Variants in PRKACB observed in about 807,000 individuals in gnomAD.
PRKACB encodes the protein protein kinase cAMP-activated catalytic subunit beta, also known as cAMP-dependent protein kinase catalytic subunit beta.
Under a neutral mutation model 51.4 loss-of-function variants are expected in PRKACB, and 16 were observed. That is an observed-to-expected ratio of 0.31 (90% CI 0.21 to 0.47). The LOEUF (loss-of-function observed/expected upper bound fraction) is 0.47. PRKACB is among the 20% of genes least tolerant of loss of function. The pLI is 1.00. For synonymous variants in PRKACB, 147 were observed against 154.4 expected (o/e 0.95, Z 0.35); for missense variants, 309 against 464.5 (o/e 0.67, Z 3.08).
chr1:84,139,987 G>C (rs1653241026), upstream of PRKACB, among the ~76,000 whole-genome samples: 1 of 152,138 alleles, frequency 6.6e-6, no homozygotes, highest in South Asian at 2.1e-4. Flanking sequence ...TTGAACCCAG[G>C]AGGCGGAGGT....
intron 1 of PRKACB, among the ~76,000 whole-genome samples, chr1:84,130,990 A>G (rs974739681): frequency 6.6e-6 from 1 of 152,226 alleles, no homozygotes; most frequent in African/African-American, 2.4e-5. Flanking sequence ...GGAAACAACT[A>G]ATAATATGAA....
chr1:84,164,861 G>C, intron 1 of PRKACB: 1 of 1,378,946 alleles, frequency 7.3e-7, no homozygotes, highest in Non-Finnish European at 9.4e-7. Flanking sequence ...TAAAACAAAA[G>C]AAAGCTCTTT....
At chr1:84,150,993 A>T (rs1424544216) in intron 1 of PRKACB, among the ~76,000 whole-genome samples, 1 of 152,202 alleles carries the variant, frequency 6.6e-6, no homozygotes, top group Non-Finnish European at 1.5e-5. Flanking sequence ...AATGTACAAC[A>T]TGATGGTTCA....
intron 1 of PRKACB, among the ~76,000 whole-genome samples, chr1:84,121,617 C>T (rs1448448314): frequency 6.6e-6 from 1 of 152,060 alleles, no homozygotes; most frequent in African/African-American, 2.4e-5. Context: ...GCAATCTCAA[C>T]CAATTGCTAT....
chr1:84,178,412 T>C (rs1343362441), intron 1 of PRKACB, among the ~76,000 whole-genome samples: 1 of 152,030 alleles, frequency 6.6e-6, no homozygotes, highest in East Asian at 1.9e-4. Context: ...TGGTTCATCA[T>C]TTAATTTACA....
chr1:84,175,017 A>G, intron 1 of PRKACB: 1 of 1,470,658 alleles, frequency 6.8e-7, no homozygotes, highest in Admixed American at 2.6e-5. Flanking sequence ...TTTCTAATTT[A>G]TTTTTTGGAC....
intron 1 of PRKACB, among the ~76,000 whole-genome samples, chr1:84,153,819 T>C (rs1655124234): frequency 6.6e-6 from 1 of 152,194 alleles, no homozygotes; most frequent in South Asian, 2.1e-4. Flanking sequence ...TTGTGAATAA[T>C]GCTGTAATGA....
Position 84,231,776 on chromosome 1 carries a change from A to G in PRKACB, c.1072-3404A>G, listed in dbSNP as rs529432278. Among the ~76,000 whole-genome samples, 14 of 151,984 alleles carry G rather than the reference A, an allele frequency of 9.2e-5. No individual in the cohort carries two copies. The South Asian group carries it at 2.9e-3, about 32-fold the overall frequency. On this transcript the variant is annotated intron_variant, in intron 9 of 9. Transcript: ENST00000370685. ...TGGGATTGGTGGTGATATCCCCTTT[A>G]TCATTTTTTATTGCGTCTATTTGAT...
At chr1:84,155,213 A>G (rs545380730) in intron 1 of PRKACB, among the ~76,000 whole-genome samples, 3 of 152,318 alleles carry the variant, frequency 2.0e-5, no homozygotes, top group Admixed American at 6.5e-5. Flanking sequence ...TGCATAAATC[A>G]ATAGTGTTTC....
intron 1 of PRKACB, among the ~76,000 whole-genome samples, chr1:84,165,636 T>A (rs928691873): frequency 2.0e-5 from 3 of 151,814 alleles, no homozygotes; most frequent in African/African-American, 7.2e-5. Flanking sequence ...CTAGTCTTTT[T>A]TGTTATAATG....
chr1:84,159,243 T>G (rs1041741899), intron 1 of PRKACB, among the ~76,000 whole-genome samples: 6 of 152,166 alleles, frequency 3.9e-5, no homozygotes, highest in African/African-American at 1.4e-4. Flanking sequence ...ATTGTTATTT[T>G]AACAATTTTG....
chr1:84,115,533 G>T (rs1007952015), intron 1 of PRKACB, among the ~76,000 whole-genome samples: 2 of 151,462 alleles, frequency 1.3e-5, no homozygotes, highest in Non-Finnish European at 2.9e-5. Context: ...GTTTAATTAA[G>T]TTTCATTTGT....
chr1:84,114,343 A>G (rs1452283480), intron 1 of PRKACB, among the ~76,000 whole-genome samples: 1 of 152,228 alleles, frequency 6.6e-6, no homozygotes, highest in Non-Finnish European at 1.5e-5. Flanking sequence ...ATGTAAAAGT[A>G]TAAAAAAGAC....
rs1647982647 is a variant in PRKACB at position 84,086,306 on chromosome 1, C to T, written c.46+7935C>T. Reference sequence around the variant, plus strand: ...GAACTTGGCCCTTCCTGCTGCCTCCCTCCTGTCTGGCCCCTGGGGCCCAGG... The same window carrying T: ...GAACTTGGCCCTTCCTGCTGCCTCCTTCCTGTCTGGCCCCTGGGGCCCAGG... On this transcript the variant is annotated intron_variant, in intron 1 of 8. Transcript: ENST00000370688. 4 of 961,600 alleles carry T rather than the reference C, an allele frequency of 4.2e-6. No homozygotes were observed. In the African/African-American group the frequency reaches 4.8e-5, roughly 12 times the overall value. The allele number at this position is 961,600 out of a possible 1,614,324, so 59.6% of individuals were successfully genotyped here. A position where few individuals can be genotyped will look rare whatever the true frequency, so the allele number is the denominator to read the frequency against.
rs367705970 is a variant in PRKACB, at chr1:84,136,026, G to A, written c.47-43151G>A. Among the ~76,000 whole-genome samples the A allele has an allele frequency of 2.8e-4, 43 of 151,910 alleles. 2 individuals are homozygous for A. In the South Asian group the frequency reaches 7.5e-3, roughly 26 times the overall value. ...GCCAGGATAAGGAAGAATAAAAGAA[G>A]ATAGAAATTACCAATATCAGAAATG... On this transcript the variant is annotated intron_variant, in intron 1 of 8. Transcript: ENST00000370688.
chr1:84,196,288 C>T (rs1668224147), intron 5 of PRKACB, among the ~76,000 whole-genome samples: 2 of 152,108 alleles, frequency 1.3e-5, no homozygotes, highest in Admixed American at 6.6e-5. Context: ...GGCACATTTG[C>T]TTTCCAATTA....
chr1:84,125,931 C>A (rs1050621245), intron 1 of PRKACB, among the ~76,000 whole-genome samples: 3 of 152,176 alleles, frequency 2.0e-5, no homozygotes, highest in African/African-American at 7.2e-5. Flanking sequence ...GCGGGACTCA[C>A]AAAGGGATTG....
At chr1:84,207,728 C>CATTT (rs1312131707) in intron 8 of PRKACB, among the ~76,000 whole-genome samples, 6 of 152,140 alleles carry the variant, frequency 3.9e-5, no homozygotes, top group Non-Finnish European at 8.8e-5. Flanking sequence ...GTTAAATGAT[C>CATTT]ATTTCTCCTG....
At chr1:84,153,794 C>T (rs759837900) in intron 1 of PRKACB, among the ~76,000 whole-genome samples, 5 of 152,088 alleles carry the variant, frequency 3.3e-5, no homozygotes, top group Non-Finnish European at 1.5e-5. Flanking sequence ...GAATACCATA[C>T]GTCGATGCCA....
Sources: gnomAD v4.1 joint callset for allele counts (sites outside exome capture counted in the v4.1 genomes callset) on GRCh38, gnomAD v4.1.1 for gene constraint, MANE v1.5 for transcripts, NCBI Gene and HGNC (gene_info 2026-07-23, HGNC 2026-07-21) for gene names.